CACNA2D4: variants seen among roughly 807,000 people sequenced by gnomAD.
CACNA2D4 encodes the protein voltage-dependent calcium channel subunit alpha-2/delta-4.
A neutral mutation model predicts 163.8 loss-of-function variants in CACNA2D4; 157 were observed. That is an observed-to-expected ratio of 0.96 (90% CI 0.84 to 1.09). CACNA2D4 has a LOEUF of 1.09. Ranked by LOEUF, CACNA2D4 falls within the 50% of genes least tolerant of loss-of-function variation. The pLI, the probability that CACNA2D4 is intolerant of heterozygous loss-of-function variation, is 0.00. For synonymous variants in CACNA2D4, 598 were observed against 586.9 expected (o/e 1.02, Z -0.27); for missense variants, 1,410 against 1,479.9 (o/e 0.95, Z 0.78).
chr12:1,804,523 A>G (rs1863453861), intron 29 of CACNA2D4, among the ~76,000 whole-genome samples: 1 of 152,214 alleles, frequency 6.6e-6, no homozygotes, highest in Admixed American at 6.5e-5. Flanking sequence ...TCCATAAATT[A>G]CTAGCTTGAT....
At chr12:1,916,943 C>T (rs1866997524) in intron 1 of CACNA2D4, among the ~76,000 whole-genome samples, 1 of 152,226 alleles carries the variant, frequency 6.6e-6, no homozygotes, top group African/African-American at 2.4e-5. Flanking sequence ...GGCCCCCCTC[C>T]CTGAAGGCCT....
chr12:1,909,892 G>C lies in CACNA2D4; in HGVS notation c.486+14C>G, dbSNP rs767498556. The C allele has an allele frequency of 5.0e-6, 8 of 1,612,728 alleles. No homozygotes were observed. The African/African-American group carries it at 1.1e-4, about 22-fold the overall frequency. On this transcript the variant is annotated intron_variant, in intron 4 of 37. Transcript: ENST00000382722. Reference sequence around the variant, plus strand: ...TCCTGGCCCTCTGGCACCAGTGCCAGGAGTGGGACTCACCACCAGGGATTC... The same window carrying C: ...TCCTGGCCCTCTGGCACCAGTGCCACGAGTGGGACTCACCACCAGGGATTC...
chr12:1,839,045 T>A (rs769708995), intron 26 of CACNA2D4, among the ~76,000 whole-genome samples: 3 of 152,162 alleles, frequency 2.0e-5, no homozygotes, highest in Non-Finnish European at 2.9e-5. Context: ...TCTCCCCCCG[T>A]CGCTTATCCC....
At chr12:1,851,286 C>T (rs907618833) in intron 23 of CACNA2D4, among the ~76,000 whole-genome samples, 2 of 152,226 alleles carry the variant, frequency 1.3e-5, no homozygotes, top group African/African-American at 4.8e-5. Flanking sequence ...GATTTTAGAG[C>T]AATTGGCTCA....
intron 6 of CACNA2D4, among the ~76,000 whole-genome samples, chr12:1,889,486 T>C (rs1866227183): frequency 6.6e-6 from 1 of 152,162 alleles, no homozygotes; most frequent in Non-Finnish European, 1.5e-5. Context: ...AAAAATATTA[T>C]TTAATTTTAA....
At chr12:1,864,785 A>G (rs1278367390) in intron 18 of CACNA2D4, among the ~76,000 whole-genome samples, 2 of 152,256 alleles carry the variant, frequency 1.3e-5, no homozygotes, top group African/African-American at 4.8e-5. Flanking sequence ...TGCCGCGGAC[A>G]CGCTCCGCTC....
chr12:1,808,917 A>G (rs1440623460), intron 29 of CACNA2D4, among the ~76,000 whole-genome samples: 1 of 152,092 alleles, frequency 6.6e-6, no homozygotes, highest in Non-Finnish European at 1.5e-5. Context: ...TGAAAGGGAG[A>G]AGGGGGAGGG....
Position 1,810,542 on chromosome 12 carries a change from C to T in CACNA2D4, c.2658+1G>A, listed in dbSNP as rs1863672177. The T allele has an allele frequency of 3.2e-6, 5 of 1,553,370 alleles. No homozygotes were observed. The highest frequency in any genetic ancestry group is 1.7e-6 in the Non-Finnish European group (2 of 1,147,950). On this transcript the variant is annotated splice_donor_variant, in intron 28 of 37. Coordinates refer to ENST00000382722, the MANE Select transcript of CACNA2D4 (RefSeq NM_172364.5). LOFTEE classifies it high-confidence loss of function. Reference sequence around the variant, plus strand: ...ACCTTCCTCACACGGGCAGAACTTACACTGTCCTCGCAGCTCTGTGTGCAC... The same window carrying T: ...ACCTTCCTCACACGGGCAGAACTTATACTGTCCTCGCAGCTCTGTGTGCAC...
chr12:1,879,617 G>A (rs1164387341), intron 14 of CACNA2D4, among the ~76,000 whole-genome samples, 187 bp downstream of exon 14: 2 of 152,166 alleles, frequency 1.3e-5, no homozygotes, highest in Non-Finnish European at 2.9e-5. Flanking sequence ...GAAAAGCACA[G>A]ACCACCAGCC....
intron 29 of CACNA2D4, among the ~76,000 whole-genome samples, chr12:1,804,689 G>A (rs763071059): frequency 1.4e-4 from 22 of 152,362 alleles, no homozygotes; most frequent in Non-Finnish European, 2.8e-4. Flanking sequence ...AATGTGAGCA[G>A]AGCCGCTGGG....
In CACNA2D4 at chr12:1,819,985, G is replaced by T. The variant is rs532218445; in HGVS notation, c.2552-8262C>A. Among the ~76,000 whole-genome samples the T allele has an allele frequency of 1.8e-4, 28 of 152,330 alleles. No individual in the cohort carries two copies. In the South Asian group the frequency reaches 5.8e-3, roughly 32 times the overall value. ...ATCCCTGGCTTTGTGGGGGCTCAGG[G>T]CCCTTTCCTGTAGGGTCATCTGGCA... On this transcript the variant is annotated intron_variant, in intron 26 of 37. Transcript: ENST00000382722.
intron 6 of CACNA2D4, 53 bp from the exon 7 acceptor site, chr12:1,887,122 C>G: frequency 7.6e-7 from 1 of 1,315,720 alleles, no homozygotes; most frequent in Non-Finnish European, 1.1e-6. Flanking sequence ...CACCCCAGAT[C>G]CCCTGGCTGG....
intron 6 of CACNA2D4, among the ~76,000 whole-genome samples, chr12:1,890,639 C>G (rs1866257741): frequency 6.6e-6 from 1 of 152,218 alleles, no homozygotes; most frequent in Admixed American, 6.5e-5. Context: ...ACAGCCACTG[C>G]TGCCCCAACC....
chr12:1,879,958 C>T (rs887324304), intron 13 of CACNA2D4, 77 bp from the exon 14 acceptor site: 19 of 915,790 alleles, frequency 2.1e-5, no homozygotes, highest in East Asian at 2.7e-5. Context: ...GCACCCAGTG[C>T]GGAGAACCCA....
At chr12:1,896,635 ACACACACACACAC>A (rs1866409802) in intron 6 of CACNA2D4, among the ~76,000 whole-genome samples, 2 of 143,874 alleles carry the variant, frequency 1.4e-5, no homozygotes, top group Non-Finnish European at 3.0e-5. Flanking sequence ...ACACACACAC[ACACACACACACAC>A]ACACACAAAA....
At position 1,859,338 on chromosome 12, in the gene CACNA2D4, C is replaced by T. The variant is rs891301991; in HGVS notation, c.1941-694G>A. Among the ~76,000 whole-genome samples, 12 of 152,036 alleles carry T rather than the reference C, an allele frequency of 7.9e-5. No homozygotes were observed. The South Asian group carries it at 1.2e-3, about 16-fold the overall frequency. On this transcript the variant is annotated intron_variant, in intron 19 of 37. Transcript: ENST00000382722. ...TGCCACGGCACTTCAGCCTAGGAGA[C>T]GGGGTGAGATCCTGTCTCAAAAAAA... is the stretch of plus-strand genomic sequence containing the variant.
rs1408808674 is a variant in CACNA2D4, at chr12:1,800,199, G to A, written c.2922-147C>T. 27 of 969,754 alleles carry A rather than the reference G, an allele frequency of 2.8e-5. 1 individual carries two copies. The East Asian group carries it at 6.3e-4, about 23-fold the overall frequency. The allele number at this position is 969,754 out of a possible 1,614,324, so 60.1% of individuals were successfully genotyped here. A position where few individuals can be genotyped will look rare whatever the true frequency, so the allele number is the denominator to read the frequency against. On this transcript the variant is annotated intron_variant, in intron 32 of 37. Coordinates refer to ENST00000382722, the MANE Select transcript of CACNA2D4 (RefSeq NM_172364.5). Reference sequence around the variant, plus strand: ...TGCTTGAGGGCTCTGGTTGAGCAATGAGGTCCCTCCCAGGGGCAGCATGCA... The same window carrying A: ...TGCTTGAGGGCTCTGGTTGAGCAATAAGGTCCCTCCCAGGGGCAGCATGCA...
chr12:1,842,878 C>G (rs952477353), intron 25 of CACNA2D4, among the ~76,000 whole-genome samples: 1 of 152,148 alleles, frequency 6.6e-6, no homozygotes. Flanking sequence ...GCTTCCAGAG[C>G]CTTCCTGCTG....
At chr12:1,895,509 T>G (rs1264803740) in intron 6 of CACNA2D4, among the ~76,000 whole-genome samples, 1 of 152,132 alleles carries the variant, frequency 6.6e-6, no homozygotes, top group Non-Finnish European at 1.5e-5. Context: ...TTCAAGGCTA[T>G]AGTAACCCAA....
Sources: gnomAD v4.1 joint callset for allele counts (sites outside exome capture counted in the v4.1 genomes callset) on GRCh38, gnomAD v4.1.1 for gene constraint, MANE v1.5 for transcripts, NCBI Gene and HGNC (gene_info 2026-07-23, HGNC 2026-07-21) for gene names.